CACNA1A: variants seen among roughly 807,000 people sequenced by gnomAD.
CACNA1A encodes calcium voltage-gated channel subunit alpha1 A.
Under a neutral mutation model 262.4 loss-of-function variants are expected in CACNA1A, and 57 were observed. The ratio of observed to expected loss-of-function variants is 0.22; its 90% CI spans 0.18 to 0.27. The LOEUF (loss-of-function observed/expected upper bound fraction) is 0.27. CACNA1A is among the 10% of genes least tolerant of loss of function. The pLI, the probability that CACNA1A is intolerant of heterozygous loss-of-function variation, is 1.00. For synonymous variants in CACNA1A, 1,431 were observed against 1,419.3 expected, an observed-to-expected ratio of 1.01 and a Z score of -0.18; for missense variants, 2,526 against 3,562.8, an observed-to-expected ratio of 0.71 and a Z score of 7.41.
intron 33 of CACNA1A, 21 bp from the exon 34 acceptor site, chr19:13,235,057 G>A (rs372916826): frequency 2.5e-6 from 4 of 1,579,968 alleles, no homozygotes; most frequent in Middle Eastern, 1.7e-4. Context: ...GGAGGGTGAC[G>A]ACCAGGGGCT....
intron 10 of CACNA1A, among the ~76,000 whole-genome samples, chr19:13,327,611 A>T (rs113856076): frequency 0.13 from 19,369 of 150,804 alleles, 2,288 homozygotes; most frequent in African/African-American, 0.32. Flanking sequence ...TTCACTCTTG[A>T]TGCCCAGGCT....
rs2145132791 is a variant in CACNA1A at position 13,334,456 on chromosome 19, G to T, written c.1120C>A (p.Arg374=). 6.2e-7 allele frequency: 1 copy of T among 1,612,638 alleles called. No individual in the cohort carries two copies. The highest frequency in any genetic ancestry group is 8.5e-7 in the Non-Finnish European group (1 of 1,178,736). The stretch of plus-strand genomic sequence containing the variant: ...TGCCGCCTCAGCTTCAGAAAAGCCC[G>T]CCGGTTCTCCACCCGTTCCCTTTCT... ...AKERERVENR[R]AFLKLRRQQQ... The change falls in exon 8 of 47, where the codon CGG becomes AGG. Residue 374 remains arginine (R), a synonymous_variant. Coordinates refer to ENST00000360228, the MANE Select transcript of CACNA1A (RefSeq NM_001127222.2).
rs34754803 is a variant in CACNA1A at position 13,482,848 on chromosome 19, TTGTGTGTGTGTGTG to T, written c.293+23070_293+23083del. ...TCTCTCCCCCCTTCTTTCTCTCAAC[TTGTGTGTGTGTGTG>T]TGTGTGTGTGTGTGTGTGTGTGTGT... On this transcript the variant is annotated intron_variant, in intron 1 of 46. Transcript: ENST00000360228. Among the ~76,000 whole-genome samples the T allele has an allele frequency of 1.0e-2, 1,340 of 134,018 alleles. 10 individuals are homozygous for T. Among genetic ancestry groups the T allele is most frequent in the Admixed American group, 0.012 (166 of 13,312 alleles). 87.9% of individuals were successfully genotyped at this position (134,018 alleles called of 152,430 possible).
At chr19:13,444,872 T>C (rs916973016) in intron 3 of CACNA1A, among the ~76,000 whole-genome samples, 6 of 152,026 alleles carry the variant, frequency 3.9e-5, no homozygotes, top group African/African-American at 1.4e-4. Context: ...GTGCGGTGGC[T>C]CACGCTTGTA....
Position 13,207,307 on chromosome 19 carries a change from C to T in CACNA1A, c.*6G>A, listed in dbSNP as rs1166784422. On this transcript the variant is annotated 3_prime_UTR_variant, in exon 47 of 47. Coordinates refer to ENST00000360228, the MANE Select transcript of CACNA1A (RefSeq NM_001127222.2). This position sits in a 1 kb window ranked among gnomAD's most constrained non-coding sequence, Gnocchi z 5.7. ...GGGGGCCGGGCGGGCGCCACCTCGC[C>T]CGGGCTTAGCACCAATCATCGTCAC... The T allele has an allele frequency of 1.3e-6, 2 of 1,549,538 alleles. No homozygotes were observed. Among genetic ancestry groups the T allele is most frequent in the Admixed American group, 3.7e-5 (2 of 53,968 alleles).
At chr19:13,335,438 A>G (rs1338526904) in intron 7 of CACNA1A, among the ~76,000 whole-genome samples, 1 of 152,220 alleles carries the variant, frequency 6.6e-6, no homozygotes, top group Admixed American at 6.5e-5. Context: ...AAGAAAAATG[A>G]AGCCCATTTA....
chr19:13,316,552 TAAAAAAAA>T (rs74266770), intron 11 of CACNA1A: 2 of 119,162 alleles, frequency 1.7e-5, no homozygotes, highest in East Asian at 2.4e-4. Context: ...TAACTGTGGT[TAAAAAAAA>T]AAAAAAAAAA....
At chr19:13,285,513 C>CA (rs1424008688) in intron 20 of CACNA1A, among the ~76,000 whole-genome samples, 1 of 152,110 alleles carries the variant, frequency 6.6e-6, no homozygotes. Flanking sequence ...AGCCTGCTCT[C>CA]AACCACTCTA....
At chr19:13,249,933 ATGGACTAAGCTGG>A (rs929842253) in intron 30 of CACNA1A, among the ~76,000 whole-genome samples, 10 of 152,132 alleles carry the variant, frequency 6.6e-5, no homozygotes, top group African/African-American at 2.4e-4. Flanking sequence ...CTTCAAAGGG[ATGGACTAAGCTGG>A]TGGTCAAGAG....
chr19:13,494,832 G>A (rs1375499981), intron 1 of CACNA1A, among the ~76,000 whole-genome samples: 1 of 152,074 alleles, frequency 6.6e-6, no homozygotes, highest in Non-Finnish European at 1.5e-5. Flanking sequence ...CACAAGAACA[G>A]CATGGGGGAA....
rs73511441 is a variant in CACNA1A at position 13,281,958 on chromosome 19, C to T, written c.3822+1309G>A. ...CCCTCCCTGCCGAAGGCAACGCCTT[C>T]TTCAGCATCCTCGCGTCAGCAGGGG... On this transcript the variant is annotated intron_variant, in intron 22 of 46. Coordinates refer to ENST00000360228, the MANE Select transcript of CACNA1A (RefSeq NM_001127222.2). 1.6e-3 allele frequency among the ~76,000 whole-genome samples: 238 copies of T among 152,352 alleles called. 3 individuals carry two copies. The highest frequency in any genetic ancestry group is 5.5e-3 in the African/African-American group (230 of 41,584).
chr19:13,299,344 T>C lies in CACNA1A; in HGVS notation c.2289A>G (p.Gln763=), dbSNP rs771044445. The change falls in exon 19 of 47, where the codon CAA becomes CAG. Residue 763 remains glutamine, a synonymous_variant. Coordinates refer to ENST00000360228, the MANE Select transcript of CACNA1A (RefSeq NM_001127222.2). ...AANMSIAVKE[Q]QKNQKPAKSV... The stretch of plus-strand genomic sequence containing the variant: ...ACTTGGCTGGCTTTTGATTCTTCTG[T>C]TGCTCTTTCCTGCAGTGGCATGGTC... 3 of 1,599,706 alleles carry C rather than the reference T, an allele frequency of 1.9e-6. No individual in the cohort carries two copies. The highest frequency in any genetic ancestry group is 1.1e-5 in the South Asian group (1 of 91,086).
Position 13,308,725 on chromosome 19 carries a change from G to A in CACNA1A, c.1669-197C>T. The A allele has an allele frequency of 2.0e-6, 1 of 502,222 alleles. No homozygotes were observed. Among genetic ancestry groups the A allele is most frequent in the Non-Finnish European group, 3.5e-6 (1 of 282,756 alleles). 31.1% of individuals were successfully genotyped at this position (502,222 alleles called of 1,614,324 possible). ...CGGGTCTCACTGTGTCACCCAGGCT[G>A]GAGTGCAGTGGCGCAATCATAGCTC... On this transcript the variant is annotated intron_variant, in intron 12 of 46. Transcript: ENST00000360228. This position sits in a 1 kb window ranked among gnomAD's most constrained non-coding sequence, Gnocchi z 4.2.
chr19:13,477,314 GTACTA>G (rs1332710267), intron 1 of CACNA1A, among the ~76,000 whole-genome samples: 6 of 152,124 alleles, frequency 3.9e-5, no homozygotes, highest in Non-Finnish European at 7.3e-5. Flanking sequence ...ATCTTCTAAA[GTACTA>G]TGCAACTTAC....
intron 2 of CACNA1A, among the ~76,000 whole-genome samples, chr19:13,453,457 T>C (rs2060952109): frequency 1.3e-5 from 2 of 152,256 alleles, no homozygotes; most frequent in Non-Finnish European, 1.5e-5. Context: ...AAAGTTCTAA[T>C]GGAAAGCATT....
At chr19:13,373,698 G>C (rs2059360350) in intron 3 of CACNA1A, among the ~76,000 whole-genome samples, 1 of 152,082 alleles carries the variant, frequency 6.6e-6, no homozygotes, top group Non-Finnish European at 1.5e-5. Flanking sequence ...ATCTATTCTG[G>C]GTCATCCTAA....
At chr19:13,440,174 G>A (rs575404994) in intron 3 of CACNA1A, among the ~76,000 whole-genome samples, 3 of 152,174 alleles carry the variant, frequency 2.0e-5, no homozygotes, top group East Asian at 3.9e-4. Context: ...GCCCAGTCTG[G>A]TCTCAAACTC....
At chr19:13,277,660 C>A (rs2057182732) in intron 22 of CACNA1A, 1 of 156,948 alleles carries the variant, frequency 6.4e-6, no homozygotes, top group Non-Finnish European at 1.4e-5. Flanking sequence ...CCTCCCCAGG[C>A]CTGATGTTTC....
intron 12 of CACNA1A, among the ~76,000 whole-genome samples, chr19:13,311,648 T>C (rs919754156): frequency 3.9e-5 from 6 of 152,014 alleles, no homozygotes; most frequent in Non-Finnish European, 8.8e-5. Flanking sequence ...CCATCCTGGC[T>C]AACACGGTGA....
Sources: allele counts gnomAD v4.1 joint callset (sites outside exome capture counted in the v4.1 genomes callset), GRCh38; gene constraint gnomAD v4.1.1; non-coding constraint Gnocchi (gnomAD v3.1); transcripts MANE v1.5; gene names NCBI Gene and HGNC (gene_info 2026-07-23, HGNC 2026-07-21).